LYRM4: variants seen among roughly 807,000 people sequenced by gnomAD.
LYRM4 encodes the protein LYR motif containing 4.
LYRM4 carries 9 observed loss-of-function variants against 11.7 expected under a neutral mutation model. The ratio of observed to expected loss-of-function variants is 0.77; its 90% CI spans 0.46 to 1.34. The LOEUF is 1.34. Ranked by LOEUF, LYRM4 falls within the 40% of genes most tolerant of loss-of-function variation. The probability of loss-of-function intolerance (pLI) is 0.00; values close to 1 mark genes in which losing one functional copy is unlikely to be tolerated. For synonymous variants in LYRM4, 42 were observed against 40.4 expected (o/e 1.04, Z -0.15); for missense variants, 133 against 112.5 (o/e 1.18, Z -0.82).
chr6:5,177,468 T>G (rs1309365510), intron 2 of LYRM4, among the ~76,000 whole-genome samples: 1 of 152,234 alleles, frequency 6.6e-6, no homozygotes, highest in African/African-American at 2.4e-5. Flanking sequence ...CACCATTCAG[T>G]GAGACACAAG....
chr6:5,053,299 C>A, the LYRM4 span, among the ~76,000 whole-genome samples: 2 of 152,114 alleles, frequency 1.3e-5, no homozygotes, highest in Non-Finnish European at 2.9e-5. Context: ...TCTACTGCAG[C>A]CCACTAACAG....
the LYRM4 span, chr6:5,085,351 T>C: frequency 1.6e-6 from 1 of 640,436 alleles, no homozygotes; most frequent in Non-Finnish European, 2.6e-6. Context: ...CGTTGTCTTG[T>C]CGAGCCTGGG....
intron 2 of LYRM4, among the ~76,000 whole-genome samples, chr6:5,118,860 CCT>C (rs1763269977): frequency 6.6e-6 from 1 of 152,212 alleles, no homozygotes; most frequent in Non-Finnish European, 1.5e-5. Context: ...GTCCACATAA[CCT>C]TTTTTCTTTC....
At chr6:5,042,165 T>C in the LYRM4 span, among the ~76,000 whole-genome samples, 2 of 152,232 alleles carry the variant, frequency 1.3e-5, no homozygotes, top group Non-Finnish European at 2.9e-5. Context: ...GCAATTCTGC[T>C]GTTTAAACAG....
chr6:5,111,627 C>T (rs1222417619), intron 2 of LYRM4, among the ~76,000 whole-genome samples: 4 of 152,336 alleles, frequency 2.6e-5, no homozygotes, highest in South Asian at 4.1e-4. Flanking sequence ...TCCACGGCTC[C>T]GGGATCCATC....
At chr6:5,171,944 T>C (rs1759453615) in intron 2 of LYRM4, among the ~76,000 whole-genome samples, 1 of 152,092 alleles carries the variant, frequency 6.6e-6, no homozygotes, top group Non-Finnish European at 1.5e-5. Context: ...AAATCACCAC[T>C]CCATTGGAAG....
rs919492184 is a variant in LYRM4 at position 5,197,891 on chromosome 6, G to A, written c.207+18727C>T. ...TAGTTTAAGAGAAAGGGAAGGCAGC[G>A]CCGGGTGCGGTGGCTCACGCCTGTA... On this transcript the variant is annotated intron_variant, in intron 2 of 2. Coordinates refer to ENST00000330636, the MANE Select transcript of LYRM4 (RefSeq NM_020408.6). Among the ~76,000 whole-genome samples, 267 of 151,994 alleles carry A rather than the reference G, an allele frequency of 1.8e-3. 6 individuals carry two copies. Among genetic ancestry groups the A allele is most frequent in the Admixed American group, 0.016 (246 of 15,274 alleles).
the LYRM4 span, among the ~76,000 whole-genome samples, chr6:5,082,030 T>A: frequency 6.6e-6 from 1 of 152,230 alleles, no homozygotes; most frequent in African/African-American, 2.4e-5. Context: ...CTGTCTTCTA[T>A]CTCTTCCCTT....
At chr6:5,104,596 T>C (rs1261786702), downstream of LYRM4, 4 of 152,206 alleles carry the variant, frequency 2.6e-5, no homozygotes, top group African/African-American at 9.6e-5. Context: ...TTAAAAATTA[T>C]TAAATGGATA....
chr6:5,151,761 T>A lies in LYRM4; in HGVS notation c.208-42270A>T, dbSNP rs539604050. Reference sequence around the variant, plus strand: ...TTGATTCCTTATCTATAAAGTGGGATAATAAAATCCACCTCACCGGATTAC... The same window carrying A: ...TTGATTCCTTATCTATAAAGTGGGAAAATAAAATCCACCTCACCGGATTAC... On this transcript the variant is annotated intron_variant, in intron 2 of 2. Transcript: ENST00000330636. 2.0e-5 allele frequency among the ~76,000 whole-genome samples: 3 copies of A among 152,362 alleles called. No individual in the cohort carries two copies. The South Asian group carries it at 6.2e-4, about 32-fold the overall frequency.
At chr6:5,174,100 C>G (rs2127670145) in intron 2 of LYRM4, among the ~76,000 whole-genome samples, 1 of 152,314 alleles carries the variant, frequency 6.6e-6, no homozygotes, top group South Asian at 2.1e-4. Context: ...TTCGCTCTCT[C>G]AGTTCTCTTT....
chr6:5,058,494 C>T, the LYRM4 span, among the ~76,000 whole-genome samples: 7 of 152,348 alleles, frequency 4.6e-5, no homozygotes, highest in East Asian at 1.9e-4. Flanking sequence ...CTTCTGCACC[C>T]GCCACACAGT....
At chr6:5,251,806 G>C (rs1764441774) in intron 1 of LYRM4, among the ~76,000 whole-genome samples, 1 of 152,178 alleles carries the variant, frequency 6.6e-6, no homozygotes, top group African/African-American at 2.4e-5. Context: ...ACTGTTAAAA[G>C]ATCCGCAACA....
At chr6:5,148,518 G>GTGGGGCAGAGTGA (rs1554131022) in intron 2 of LYRM4, among the ~76,000 whole-genome samples, 1 of 54,382 alleles carries the variant, frequency 1.8e-5, no homozygotes. Flanking sequence ...AGCTGGGCTG[G>GTGGGGCAGAGTGA]GTATACGCCT....
At chr6:5,131,597 ATTGTCTGT>A (rs1763956943) in intron 2 of LYRM4, among the ~76,000 whole-genome samples, 1 of 152,178 alleles carries the variant, frequency 6.6e-6, no homozygotes. Flanking sequence ...CAAAGAAAAC[ATTGTCTGT>A]AAGCCATTCA....
chr6:5,066,212 A>G, the LYRM4 span: 8 of 713,056 alleles, frequency 1.1e-5, no homozygotes, highest in Non-Finnish European at 2.1e-5. Flanking sequence ...TTAATCTCAC[A>G]AGCTACTTGC....
the LYRM4 span, chr6:5,031,817 T>C: frequency 1.3e-5 from 2 of 152,214 alleles, no homozygotes; most frequent in Non-Finnish European, 2.9e-5. Flanking sequence ...TTTCCTGTTA[T>C]TTACATCATA....
At chr6:5,216,271 G>A (rs933936007) in intron 2 of LYRM4, among the ~76,000 whole-genome samples, 4 of 152,136 alleles carry the variant, frequency 2.6e-5, no homozygotes, top group Admixed American at 2.6e-4. Flanking sequence ...TACTAGGAAA[G>A]GGAGAATATA....
At chr6:5,143,711 A>C (rs1424191426) in intron 2 of LYRM4, among the ~76,000 whole-genome samples, 1 of 152,198 alleles carries the variant, frequency 6.6e-6, no homozygotes, top group Admixed American at 6.5e-5. Context: ...GCTCTGATGG[A>C]GGCAAATTTT....
Sources: gnomAD v4.1 joint callset for allele counts (sites outside exome capture counted in the v4.1 genomes callset) on GRCh38, gnomAD v4.1.1 for gene constraint, MANE v1.5 for transcripts, NCBI Gene and HGNC (gene_info 2026-07-23, HGNC 2026-07-21) for gene names.